Variants in ABCA10 observed in about 807,000 individuals in gnomAD.
The protein encoded by ABCA10 is ATP binding cassette subfamily A member 10.
ABCA10 carries 169 observed loss-of-function variants against 187.5 expected under a neutral mutation model. The observed-to-expected ratio is 0.90, with a 90% confidence interval of 0.80 to 1.02. The LOEUF (loss-of-function observed/expected upper bound fraction) is 1.02, where lower values mean the gene tolerates loss of function less well. ABCA10 is among the 50% of genes least tolerant of loss of function. The pLI, the probability that ABCA10 is intolerant of heterozygous loss-of-function variation, is 0.00. For synonymous variants in ABCA10, 574 were observed against 601.8 expected, an observed-to-expected ratio of 0.95 and a Z score of 0.68; for missense variants, 1,727 against 1,812.4, an observed-to-expected ratio of 0.95 and a Z score of 0.86.
intron 35 of ABCA10, 82 bp from the exon 36 acceptor site, chr17:69,152,265 C>G (rs1327501127): frequency 1.9e-6 from 3 of 1,569,918 alleles, no homozygotes; most frequent in Non-Finnish European, 2.6e-6. Flanking sequence ...TGTTTAATTA[C>G]AGGTTAGGGA....
chr17:69,204,716 T>G (rs2074577616), intron 9 of ABCA10, among the ~76,000 whole-genome samples: 1 of 152,276 alleles, frequency 6.6e-6, no homozygotes, highest in Non-Finnish European at 1.5e-5. Flanking sequence ...ACCTGATGTC[T>G]AATTGGTACA....
At position 69,192,600 on chromosome 17, in the gene ABCA10, A is replaced by G; in HGVS notation, c.1834T>C (p.Phe612Leu). 1 of 1,613,736 alleles carries G rather than the reference A, an allele frequency of 6.2e-7. No individual in the cohort carries two copies. Among genetic ancestry groups the G allele is most frequent in the Non-Finnish European group, 8.5e-7 (1 of 1,179,890 alleles). The change falls in exon 16 of 39, where the codon TTT (phenylalanine) becomes CTT (leucine). Residue 612 changes from phenylalanine to leucine, a missense_variant. Transcript: ENST00000690296. ...CCAATACCCCACTTTCGCTTCAGAA[A>G]CAAAGATGATCCTGCACATTTCAAC... ...GKLKCAGSSLFLKRKWGIGYH... is the reference protein window; with the variant it reads ...GKLKCAGSSLLLKRKWGIGYH...
rs1485360749 is a variant in ABCA10 at position 69,148,809 on chromosome 17, G to A, written c.*18C>T. On this transcript the variant is annotated 3_prime_UTR_variant, in exon 39 of 39. Coordinates refer to ENST00000690296, the MANE Select transcript of ABCA10 (RefSeq NM_001377321.1). Reference sequence around the variant, plus strand: ...AATGTAGTAGGACCTAAAATTGAATGTTAGGAGGTTCTTCATTTTAAGGGT... The same window carrying A: ...AATGTAGTAGGACCTAAAATTGAATATTAGGAGGTTCTTCATTTTAAGGGT... The A allele has an allele frequency of 1.9e-6, 3 of 1,587,532 alleles. No homozygotes were observed. The highest frequency in any genetic ancestry group is 1.7e-5 in the Admixed American group (1 of 59,808).
intron 3 of ABCA10, among the ~76,000 whole-genome samples, chr17:69,223,429 C>G (rs1219018156): frequency 6.6e-6 from 1 of 152,172 alleles, no homozygotes; most frequent in Admixed American, 6.5e-5. Flanking sequence ...AATGAGTTTA[C>G]AATCTGCAGG....
At position 69,221,869 on chromosome 17, in the gene ABCA10, T is replaced by A. The variant is rs1369913523; in HGVS notation, c.226A>T (p.Ile76Phe). ...TEHCWAMHGEIFCYLAKYWLK... is the reference protein window; with the variant it reads ...TEHCWAMHGEFFCYLAKYWLK... ...CAGTACTTTGCCAAGTAACAAAAAA[T>A]TTCACCATGCATGGCCCAACAGTGT... Residue 76 changes from isoleucine to phenylalanine, a missense_variant, in exon 5 of 39, where the codon ATT becomes TTT. By Grantham distance (21) the Ile-to-Phe change is conservative (BLOSUM62 0). Coordinates refer to ENST00000690296, the MANE Select transcript of ABCA10 (RefSeq NM_001377321.1). 5.6e-6 allele frequency: 9 copies of A among 1,612,754 alleles called. No individual in the cohort carries two copies. Among genetic ancestry groups the A allele is most frequent in the Non-Finnish European group, 6.8e-6 (8 of 1,179,460 alleles).
At chr17:69,186,036 G>T (rs923806504) in intron 19 of ABCA10, among the ~76,000 whole-genome samples, 2 of 152,118 alleles carry the variant, frequency 1.3e-5, no homozygotes, top group African/African-American at 4.8e-5. Flanking sequence ...GTGCACAATT[G>T]CAAGTAAAAT....
intron 11 of ABCA10, 76 bp downstream of exon 11, chr17:69,196,988 T>TC: frequency 1.0e-6 from 1 of 956,026 alleles, no homozygotes; most frequent in South Asian, 1.8e-5. Flanking sequence ...CCGCTTGGCA[T>TC]CAGAGGGAGA....
intron 1 of ABCA10, chr17:69,234,918 T>C (rs1413443074): frequency 6.6e-6 from 1 of 152,220 alleles, no homozygotes; most frequent in Non-Finnish European, 1.5e-5. Context: ...TGCCACTTGT[T>C]TTTTGCTCAT....
At chr17:69,228,306 G>A (rs902346125) in intron 1 of ABCA10, among the ~76,000 whole-genome samples, 1 of 151,850 alleles carries the variant, frequency 6.6e-6, no homozygotes, top group Non-Finnish European at 1.5e-5. Context: ...ATTCTCAAAA[G>A]GATATTCAAA....
At chr17:69,237,971 G>C (rs565152714) in intron 1 of ABCA10, among the ~76,000 whole-genome samples, 7 of 152,174 alleles carry the variant, frequency 4.6e-5, no homozygotes, top group Non-Finnish European at 7.4e-5. Flanking sequence ...GACCAGCCTG[G>C]CCAATATGGT....
chr17:69,244,285 A>C (rs1379873324), intron 1 of ABCA10: 1 of 152,118 alleles, frequency 6.6e-6, no homozygotes, highest in Non-Finnish European at 1.5e-5. Context: ...AACTAGCCTC[A>C]GATACTTAAA....
intron 3 of ABCA10, 104 bp from the exon 4 acceptor site, chr17:69,222,801 T>C (rs1379589649): frequency 2.7e-6 from 3 of 1,092,988 alleles, no homozygotes; most frequent in Non-Finnish European, 2.5e-6. Flanking sequence ...AGTGGTATTA[T>C]ATATTATTTC....
rs1202899364 is a variant in ABCA10, at chr17:69,185,500, C to A, written c.2474G>T (p.Ser825Ile). ...ACCTGTATTATTAACGATTAACAGGCTGGTAAGAGGCGTCTTCGGGATTTG... is the reference window on the plus strand; with the variant it reads ...ACCTGTATTATTAACGATTAACAGGATGGTAAGAGGCGTCTTCGGGATTTG... The part of the protein sequence containing the change: ...LEQIPKTPLT[S>I]LLIVNNTGSN... Residue 825 changes from serine (S) to isoleucine (I), a missense_variant, in exon 20 of 39, where the codon AGC (serine) becomes ATC (isoleucine). Coordinates refer to ENST00000690296, the MANE Select transcript of ABCA10 (RefSeq NM_001377321.1). 1.2e-6 allele frequency: 2 copies of A among 1,612,954 alleles called. No individual in the cohort carries two copies. The highest frequency in any genetic ancestry group is 1.7e-6 in the Non-Finnish European group (2 of 1,179,526).
intron 9 of ABCA10, among the ~76,000 whole-genome samples, chr17:69,210,105 A>ATTT (rs869111961): frequency 7.5e-6 from 1 of 132,892 alleles, no homozygotes; most frequent in Non-Finnish European, 1.6e-5. Context: ...TATTATTATT[A>ATTT]TTTCAATAGT....
Position 69,153,810 on chromosome 17 carries a change from T to C in ABCA10, c.3965+21A>G, listed in dbSNP as rs199865559. 100 of 1,587,246 alleles carry C rather than the reference T, an allele frequency of 6.3e-5. 1 individual carries two copies. In the Middle Eastern group the frequency reaches 1.3e-3, roughly 21 times the overall value. ...ATTTTCCCCTTCCTCCTGCTACAAATTGTGAGACTTCTCTCTGTACCGTGA... is the reference window on the plus strand; with the variant it reads ...ATTTTCCCCTTCCTCCTGCTACAAACTGTGAGACTTCTCTCTGTACCGTGA... On this transcript the variant is annotated intron_variant, in intron 32 of 38. Transcript: ENST00000690296.
Position 69,187,784 on chromosome 17 carries a change from T to A in ABCA10, c.2227A>T (p.Arg743Ter), listed in dbSNP as rs182459474. ...EQVLCSLPET[R>*]KAVSSAALWR... ...AGAGCTGCACTACTGACAGCCTTTC[T>A]TGTTTCAGGAAGAGAACAAAGAACC... is the stretch of plus-strand genomic sequence containing the variant. The change falls in exon 19 of 39, where the codon AGA becomes TGA. Residue 743 changes from arginine to a stop codon, truncating the protein, a stop_gained. Transcript: ENST00000690296. LOFTEE classifies it high-confidence loss of function. The A allele has an allele frequency of 7.4e-6, 12 of 1,613,972 alleles. No individual in the cohort carries two copies. The East Asian group carries it at 2.2e-4, about 30-fold the overall frequency.
chr17:69,178,884 TAA>T (rs2074356329), intron 22 of ABCA10: 1 of 152,130 alleles, frequency 6.6e-6, no homozygotes, highest in Admixed American at 6.5e-5. Context: ...TTGAATATTT[TAA>T]AAGTTATTCA....
At chr17:69,197,024 G>A (rs993092696) in intron 11 of ABCA10, 40 bp downstream of exon 11, 18 of 1,380,980 alleles carry the variant, frequency 1.3e-5, no homozygotes, top group Middle Eastern at 2.5e-4. Flanking sequence ...GGGGGAGGGG[G>A]AGAGGGAGAG....
rs956510209 is a variant in ABCA10 at position 69,193,390 on chromosome 17, A to G, written c.1641+103T>C. The G allele has an allele frequency of 2.0e-6, 3 of 1,503,464 alleles. No homozygotes were observed. The African/African-American group carries it at 4.2e-5, about 21-fold the overall frequency. The allele number at this position is 1,503,464 out of a possible 1,614,324, so 93.1% of individuals were successfully genotyped here. A position where few individuals can be genotyped will look rare whatever the true frequency, so the allele number is the denominator to read the frequency against. ...ACAAGCTTGCATGGTACTTTATTAT[A>G]AATTTTCCCTCACATTTGGTAATTA... On this transcript the variant is annotated intron_variant, in intron 14 of 38. Coordinates refer to ENST00000690296, the MANE Select transcript of ABCA10 (RefSeq NM_001377321.1).
Sources: gnomAD v4.1 joint callset for allele counts (sites outside exome capture counted in the v4.1 genomes callset) on GRCh38, gnomAD v4.1.1 for gene constraint, MANE v1.5 for transcripts, NCBI Gene and HGNC (gene_info 2026-07-23, HGNC 2026-07-21) for gene names.